FAM120A: variants seen among roughly 807,000 people sequenced by gnomAD.
FAM120A encodes the protein family with sequence similarity 120 member A.
Under a neutral mutation model 109.7 loss-of-function variants are expected in FAM120A, and 15 were observed. The ratio of observed to expected loss-of-function variants is 0.14; its 90% confidence interval spans 0.09 to 0.21. FAM120A has a LOEUF of 0.21. FAM120A is among the 10% of genes least tolerant of loss of function. The pLI is 1.00. For synonymous variants in FAM120A, 493 were observed against 572.8 expected, an observed-to-expected ratio of 0.86 and a Z score of 1.99; for missense variants, 899 against 1,439.3, an observed-to-expected ratio of 0.62 and a Z score of 6.07.
At chr9:93,554,266 G>A (rs1488246020) in intron 12 of FAM120A, among the ~76,000 whole-genome samples, 2 of 151,822 alleles carry the variant, frequency 1.3e-5, no homozygotes, top group African/African-American at 2.4e-5. Context: ...ATCTGCTGCT[G>A]TTTCTTCAGT....
Position 93,527,225 on chromosome 9 carries a change from C to A in FAM120A, c.1489C>A (p.Pro497Thr), listed in dbSNP as rs1287568927. 3.1e-6 allele frequency: 5 copies of A among 1,613,844 alleles called. No individual in the cohort carries two copies. The highest frequency in any genetic ancestry group is 1.7e-5 in the Admixed American group (1 of 59,994). Residue 497 changes from proline to threonine, a missense_variant, in exon 8 of 18, where the codon CCA (proline) becomes ACA (threonine). This residue lies in a region of FAM120A where 57 missense variants were observed against 52.9 expected (regional missense o/e 1.08). Coordinates refer to ENST00000277165, the MANE Select transcript of FAM120A (RefSeq NM_014612.5). ...SHSEPQARGDPGDQTKAEGSS... is the reference protein window; with the variant it reads ...SHSEPQARGDTGDQTKAEGSS... The stretch of plus-strand genomic sequence containing the variant: ...CTCAGAGCCTCAGGCACGAGGAGAC[C>A]CAGGAGACCAAACAAAGGTAGAAAG...
At chr9:93,465,744 A>G (rs909955306) in intron 1 of FAM120A, among the ~76,000 whole-genome samples, 1 of 152,104 alleles carries the variant, frequency 6.6e-6, no homozygotes, top group African/African-American at 2.4e-5. Context: ...TGTGAACTTC[A>G]TTATGGACTT....
intron 15 of FAM120A, 69 bp from the exon 16 acceptor site, chr9:93,561,040 T>C: frequency 6.5e-7 from 1 of 1,540,676 alleles, no homozygotes; most frequent in South Asian, 1.1e-5. Context: ...AGTTTCTTGC[T>C]TGTATCTTTT....
At position 93,493,908 on chromosome 9, in the gene FAM120A, C is replaced by G. The variant is rs545517546; in HGVS notation, c.805-3563C>G. 9.8e-5 allele frequency among the ~76,000 whole-genome samples: 15 copies of G among 152,364 alleles called. No individual in the cohort carries two copies. In the East Asian group the frequency reaches 2.9e-3, roughly 29 times the overall value. ...AGCGCTCTCTCAGTGGGCCTGGCAG[C>G]CATCCAGCCTTCCTGGGCCCTTTTC... On this transcript the variant is annotated intron_variant, in intron 3 of 17. Coordinates refer to ENST00000277165, the MANE Select transcript of FAM120A (RefSeq NM_014612.5).
chr9:93,466,813 A>T (rs149293763), intron 1 of FAM120A, among the ~76,000 whole-genome samples: 1 of 152,146 alleles, frequency 6.6e-6, no homozygotes, highest in African/African-American at 2.4e-5. Flanking sequence ...CTCCTTTTGC[A>T]TGATTATTTG....
intron 7 of FAM120A, among the ~76,000 whole-genome samples, chr9:93,525,076 C>T (rs945648627): frequency 1.3e-5 from 2 of 151,382 alleles, no homozygotes; most frequent in African/African-American, 4.9e-5. Context: ...TATATTTGTC[C>T]TATTGAAATA....
intron 3 of FAM120A, among the ~76,000 whole-genome samples, chr9:93,484,690 C>T (rs1858959258): frequency 6.6e-6 from 1 of 152,198 alleles, no homozygotes; most frequent in Non-Finnish European, 1.5e-5. Context: ...TCTCCTGCCT[C>T]AGCCTCCCAA....
In FAM120A at chr9:93,561,090, T is replaced by A. The variant is rs1402201323; in HGVS notation, c.2807-19T>A. The A allele has an allele frequency of 1.2e-6, 2 of 1,611,664 alleles. No homozygotes were observed. Among genetic ancestry groups the A allele is most frequent in the Admixed American group, 1.7e-5 (1 of 59,804 alleles). ...CTGTGATTGTAAAGATTTTGTCTTT[T>A]TGTATATTTTTTATGCAGGAGTCCA... On this transcript the variant is annotated intron_variant, in intron 15 of 17. Transcript: ENST00000277165.
intron 3 of FAM120A, 105 bp from the exon 4 acceptor site, chr9:93,497,366 G>A: frequency 7.0e-7 from 1 of 1,434,594 alleles, no homozygotes. Flanking sequence ...GCACTGATAA[G>A]ATCTTAGATG....
At chr9:93,462,464 T>G (rs1195736468) in intron 1 of FAM120A, among the ~76,000 whole-genome samples, 1 of 152,188 alleles carries the variant, frequency 6.6e-6, no homozygotes, top group Admixed American at 6.5e-5. Context: ...GTATTTTTAG[T>G]AGAGACAGGG....
intron 1 of FAM120A, among the ~76,000 whole-genome samples, chr9:93,461,690 A>G (rs1165244894): frequency 2.0e-5 from 3 of 152,084 alleles, no homozygotes; most frequent in South Asian, 2.1e-4. Context: ...CTTTATTATT[A>G]TTAATATTTT....
At chr9:93,464,473 G>A (rs1857926919) in intron 1 of FAM120A, among the ~76,000 whole-genome samples, 1 of 152,206 alleles carries the variant, frequency 6.6e-6, no homozygotes, top group South Asian at 2.1e-4. Flanking sequence ...GGGGTAGACA[G>A]GGAGGAAGAA....
chr9:93,512,907 G>A (rs1178907235), intron 5 of FAM120A, among the ~76,000 whole-genome samples: 1 of 152,142 alleles, frequency 6.6e-6, no homozygotes, highest in African/African-American at 2.4e-5. Flanking sequence ...TCTTTCCTTG[G>A]AATTCTTTGG....
chr9:93,474,343 G>A (rs538830344), intron 2 of FAM120A, among the ~76,000 whole-genome samples: 17 of 150,658 alleles, frequency 1.1e-4, no homozygotes, highest in South Asian at 6.3e-4. Flanking sequence ...GTGTGCCACC[G>A]CACCTGGCTA....
At chr9:93,492,690 G>A (rs1433944803) in intron 3 of FAM120A, among the ~76,000 whole-genome samples, 1 of 152,164 alleles carries the variant, frequency 6.6e-6, no homozygotes. Context: ...GTGGCTGGTG[G>A]GGAGGGCAGC....
chr9:93,493,132 TAAG>T (rs2131334457), intron 3 of FAM120A, among the ~76,000 whole-genome samples: 1 of 152,302 alleles, frequency 6.6e-6, no homozygotes, highest in South Asian at 2.1e-4. Flanking sequence ...TGTTGCAAAA[TAAG>T]AAGCAATGGT....
At chr9:93,530,328 C>T (rs937462503) in intron 9 of FAM120A, 2 of 152,300 alleles carry the variant, frequency 1.3e-5, no homozygotes, top group African/African-American at 4.8e-5. Context: ...ACCTCAGTTA[C>T]TAGATTAATC....
intron 11 of FAM120A, among the ~76,000 whole-genome samples, chr9:93,547,889 C>G (rs1243861410): frequency 6.6e-6 from 1 of 152,142 alleles, no homozygotes; most frequent in African/African-American, 2.4e-5. Context: ...AATTCATACT[C>G]TGTATCCAGC....
intron 3 of FAM120A, among the ~76,000 whole-genome samples, chr9:93,481,805 G>T (rs1858820388): frequency 6.6e-6 from 1 of 152,044 alleles, no homozygotes; most frequent in Non-Finnish European, 1.5e-5. Flanking sequence ...CCCCTTTTCT[G>T]CATGGTGAGC....
Sources: gnomAD v4.1 joint callset for allele counts (sites outside exome capture counted in the v4.1 genomes callset) on GRCh38, gnomAD v4.1.1 for gene constraint, gnomAD v4.1.1 regional missense constraint, MANE v1.5 for transcripts, NCBI Gene and HGNC (gene_info 2026-07-23, HGNC 2026-07-21) for gene names.